The following GRIK2 variants were observed in gnomAD, a reference collection of about 807,000 sequenced individuals.
GRIK2 encodes the protein glutamate receptor ionotropic, kainate 2.
Under a neutral mutation model 100.3 loss-of-function variants are expected in GRIK2, and 32 were observed. That is an observed-to-expected ratio of 0.32 (90% confidence interval 0.24 to 0.43). The LOEUF (loss-of-function observed/expected upper bound fraction) is 0.43, where lower values mean the gene tolerates loss of function less well. Ranked by LOEUF, GRIK2 falls within the 20% of genes least tolerant of loss-of-function variation. GRIK2 has a pLI of 1.00. For missense variants in GRIK2, 843 were observed against 1,114.9 expected (o/e 0.76, Z 3.47); for synonymous variants, 417 against 389.4 (o/e 1.07, Z -0.83).
intron 14 of GRIK2, among the ~76,000 whole-genome samples, chr6:102,027,750 A>G (rs569001335): frequency 1.3e-5 from 2 of 151,250 alleles, no homozygotes; most frequent in East Asian, 3.9e-4. Context: ...AGCAAGTTCA[A>G]TGAGCATAAG....
chr6:101,609,205 G>C (rs143055261), intron 2 of GRIK2, among the ~76,000 whole-genome samples: 1 of 151,624 alleles, frequency 6.6e-6, no homozygotes, highest in Admixed American at 6.6e-5. Context: ...GAAAAGAAAA[G>C]TTACTAAACT....
At chr6:101,680,155 T>G (rs187729481) in intron 5 of GRIK2, among the ~76,000 whole-genome samples, 1 of 152,288 alleles carries the variant, frequency 6.6e-6, no homozygotes, top group Admixed American at 6.5e-5. Context: ...CTCATAGATT[T>G]CTTCTCAAGG....
At chr6:101,721,924 A>G (rs546516397) in intron 7 of GRIK2, among the ~76,000 whole-genome samples, 8 of 152,148 alleles carry the variant, frequency 5.3e-5, no homozygotes, top group South Asian at 2.1e-4. Flanking sequence ...AAGGAACTCA[A>G]TATTTTCACT....
At chr6:101,737,960 G>C (rs1452093643) in intron 7 of GRIK2, among the ~76,000 whole-genome samples, 4 of 152,126 alleles carry the variant, frequency 2.6e-5, no homozygotes, top group Non-Finnish European at 4.4e-5. Flanking sequence ...ATGAGCTCTG[G>C]AGGCAAATGA....
intron 2 of GRIK2, among the ~76,000 whole-genome samples, chr6:101,405,775 A>G (rs1325833191): frequency 1.3e-5 from 2 of 152,120 alleles, no homozygotes; most frequent in Non-Finnish European, 2.9e-5. Context: ...CCTCAGTCAC[A>G]TATGAGATTA....
At position 101,398,894 on chromosome 6, in the gene GRIK2, C is replaced by A. The variant is rs138239224; in HGVS notation, c.-293-91C>A. 634 of 423,428 alleles carry A rather than the reference C, an allele frequency of 1.5e-3. 2 individuals carry two copies. The highest frequency in any genetic ancestry group is 0.012 in the African/African-American group (575 of 49,324). The allele number at this position is 423,428 out of a possible 1,614,324, so 26.2% of individuals were successfully genotyped here. A position where few individuals can be genotyped will look rare whatever the true frequency, so the allele number is the denominator to read the frequency against. On this transcript the variant is annotated intron_variant, in intron 1 of 16. Transcript: ENST00000369134. ...GGCAAAACCTTTGCTAGCAAAGCGC[C>A]TTTTGTGCCGGGCTGTGGCTCGCTA...
At chr6:101,832,770 T>C (rs934654077) in intron 10 of GRIK2, among the ~76,000 whole-genome samples, 10 of 152,192 alleles carry the variant, frequency 6.6e-5, no homozygotes, top group African/African-American at 2.4e-4. Context: ...GTGCCCATTA[T>C]TATAAATTCT....
intron 2 of GRIK2, among the ~76,000 whole-genome samples, chr6:101,607,529 C>G (rs911972896): frequency 1.3e-5 from 2 of 151,972 alleles, no homozygotes; most frequent in Non-Finnish European, 2.9e-5. Context: ...AGAGAGCTTG[C>G]TTTTTATTGT....
intron 11 of GRIK2, among the ~76,000 whole-genome samples, chr6:101,881,875 A>G (rs1786273325): frequency 6.6e-6 from 1 of 152,032 alleles, no homozygotes; most frequent in Non-Finnish European, 1.5e-5. Flanking sequence ...AAATAAGTAA[A>G]TAAATTTGTC....
In GRIK2 at chr6:101,836,659, A is replaced by T. The variant is rs866080432; in HGVS notation, c.1317+18176A>T. Among the ~76,000 whole-genome samples, 422 of 60,192 alleles carry T rather than the reference A, an allele frequency of 7.0e-3. 3 individuals are homozygous for T. Among genetic ancestry groups the T allele is most frequent in the African/African-American group, 9.0e-3 (159 of 17,602 alleles). The allele number at this position is 60,192 out of a possible 152,430, so 39.5% of individuals were successfully genotyped here. On this transcript the variant is annotated intron_variant, in intron 10 of 16. Transcript: ENST00000369134. ...TATGTATGTGTATATATATATATAT[A>T]TATTTTTTTTTTTTTTTTTTTTTTG... is the stretch of plus-strand genomic sequence containing the variant.
At chr6:101,495,433 G>C (rs977606947) in intron 2 of GRIK2, among the ~76,000 whole-genome samples, 2 of 152,098 alleles carry the variant, frequency 1.3e-5, no homozygotes, top group African/African-American at 4.8e-5. Context: ...GTGAACCAGG[G>C]AGGCAGAGCT....
intron 2 of GRIK2, among the ~76,000 whole-genome samples, chr6:101,519,079 T>C (rs1212177882): frequency 6.6e-6 from 1 of 152,200 alleles, no homozygotes; most frequent in South Asian, 2.1e-4. Context: ...AAGATTTTAA[T>C]GGCTAAGCCT....
rs1276556065 is a variant in GRIK2 at position 101,982,554 on chromosome 6, A to T, written c.2086-52787A>T. Reference sequence around the variant, plus strand: ...ATGGAGAAAGCCTTTCTGGTCCTGGATAGTGAAGCTTACAGGAATAAGAAG... The same window carrying T: ...ATGGAGAAAGCCTTTCTGGTCCTGGTTAGTGAAGCTTACAGGAATAAGAAG... On this transcript the variant is annotated intron_variant, in intron 14 of 16. Transcript: ENST00000369134. Among the ~76,000 whole-genome samples the T allele has an allele frequency of 1.1e-4, 16 of 151,744 alleles. No individual in the cohort carries two copies. The Admixed American group carries it at 1.1e-3, about 10-fold the overall frequency.
rs569492085 is a variant in GRIK2, at chr6:101,848,719, C to T, written c.1318-10568C>T. 2.0e-5 allele frequency among the ~76,000 whole-genome samples: 3 copies of T among 152,128 alleles called. No individual in the cohort carries two copies. The East Asian group carries it at 5.8e-4, about 29-fold the overall frequency. ...CGGTAGTCAATTATCAATAAACATG[C>T]CAATCAAACACATATATTACTACTG... On this transcript the variant is annotated intron_variant, in intron 10 of 16. Coordinates refer to ENST00000369134, the MANE Select transcript of GRIK2 (RefSeq NM_021956.5).
At chr6:101,665,301 C>G (rs1191564746) in intron 4 of GRIK2, among the ~76,000 whole-genome samples, 1 of 152,140 alleles carries the variant, frequency 6.6e-6, no homozygotes, top group Non-Finnish European at 1.5e-5. Flanking sequence ...AAGACACCAC[C>G]TAGTAGGACT....
chr6:101,932,376 A>T (rs557117858), intron 14 of GRIK2, among the ~76,000 whole-genome samples: 2 of 152,010 alleles, frequency 1.3e-5, no homozygotes, highest in African/African-American at 4.8e-5. Flanking sequence ...CCTGTGTTGC[A>T]TTCTATACCT....
chr6:101,421,868 C>A, intron 2 of GRIK2, among the ~76,000 whole-genome samples: 1 of 152,076 alleles, frequency 6.6e-6, no homozygotes, highest in East Asian at 1.9e-4. Flanking sequence ...GAATTTCATC[C>A]CTTCCATTGG....
intron 2 of GRIK2, among the ~76,000 whole-genome samples, chr6:101,448,638 T>G (rs1243319221): frequency 6.6e-6 from 1 of 151,566 alleles, no homozygotes; most frequent in Non-Finnish European, 1.5e-5. Flanking sequence ...TGATGAGCCA[T>G]TTTGAAGCAT....
intron 2 of GRIK2, among the ~76,000 whole-genome samples, chr6:101,600,271 G>A (rs1420760970): frequency 1.3e-5 from 2 of 151,712 alleles, no homozygotes; most frequent in African/African-American, 2.4e-5. Context: ...GGCTGATTTT[G>A]TTCCAGTACC....
Sources: gnomAD v4.1 joint callset for allele counts (sites outside exome capture counted in the v4.1 genomes callset) on GRCh38, gnomAD v4.1.1 for gene constraint, MANE v1.5 for transcripts, NCBI Gene and HGNC (gene_info 2026-07-23, HGNC 2026-07-21) for gene names.